Variants in PCLO observed in about 807,000 individuals in gnomAD.
The protein encoded by PCLO is piccolo presynaptic cytomatrix protein.
A neutral mutation model predicts 427.5 loss-of-function variants in PCLO; 82 were observed. That is an observed-to-expected ratio of 0.19 (90% CI 0.16 to 0.23). PCLO has a LOEUF of 0.23. Among genes scored for constraint, PCLO ranks in the 10% least tolerant of loss-of-function variants. The probability of loss-of-function intolerance (pLI) is 1.00; values close to 1 mark genes in which losing one functional copy is unlikely to be tolerated. For missense variants in PCLO, 6,239 were observed against 6,115.9 expected (o/e 1.02, Z -0.67); for synonymous variants, 2,357 against 2,155.4 (o/e 1.09, Z -2.59).
At chr7:82,773,087 G>A (rs964191478) in intron 22 of PCLO, among the ~76,000 whole-genome samples, 24 of 152,072 alleles carry the variant, frequency 1.6e-4, no homozygotes, top group Non-Finnish European at 3.2e-4. Context: ...AGTTCCGAAG[G>A]CCTTGGCTAC....
chr7:83,135,860 G>T (rs1791714633), intron 2 of PCLO, among the ~76,000 whole-genome samples: 1 of 152,094 alleles, frequency 6.6e-6, no homozygotes, highest in South Asian at 2.1e-4. Flanking sequence ...AGCACATTGG[G>T]AGGCTGAGGT....
At chr7:83,040,898 T>C (rs1167576736) in intron 3 of PCLO, among the ~76,000 whole-genome samples, 3 of 152,092 alleles carry the variant, frequency 2.0e-5, no homozygotes, top group Non-Finnish European at 4.4e-5. Context: ...AACATCACAT[T>C]GCACTCCATA....
intron 3 of PCLO, among the ~76,000 whole-genome samples, chr7:83,118,470 G>C (rs1370399424): frequency 6.6e-6 from 1 of 152,036 alleles, no homozygotes; most frequent in Non-Finnish European, 1.5e-5. Context: ...GTCTTGAATT[G>C]CTGACAACAC....
chr7:82,826,717 T>C, intron 17 of PCLO, 57 bp from the exon 18 acceptor site: 3 of 1,059,190 alleles, frequency 2.8e-6, no homozygotes, highest in South Asian at 3.0e-5. Context: ...ACATTTTCAT[T>C]ACACACATAC....
rs547529817 is a variant in PCLO, at chr7:83,062,050, T to A, written c.3300+72200A>T. ...GGACTAAGATCCAATTGGTATAAGG[T>A]TAGTAGCAAAGAAAAATGTGCAGCA... On this transcript the variant is annotated intron_variant, in intron 3 of 24. Transcript: ENST00000333891. Among the ~76,000 whole-genome samples, 8 of 152,252 alleles carry A rather than the reference T, an allele frequency of 5.3e-5. No homozygotes were observed. In the South Asian group the frequency reaches 1.7e-3, roughly 32 times the overall value.
chr7:82,760,943 CTTTTT>C (rs767222339), intron 23 of PCLO, among the ~76,000 whole-genome samples, 159 bp from the exon 24 acceptor site: 319 of 60,348 alleles, frequency 5.3e-3, no homozygotes, highest in African/African-American at 0.02. Context: ...AAAGATATGT[CTTTTT>C]TTTTTTTTTT....
At chr7:82,807,715 G>T (rs1361953666) in intron 20 of PCLO, among the ~76,000 whole-genome samples, 1 of 151,966 alleles carries the variant, frequency 6.6e-6, no homozygotes, top group Non-Finnish European at 1.5e-5. Flanking sequence ...GAACAAGAAA[G>T]AAATTGTTAA....
chr7:82,885,452 G>A (rs1430119402), intron 9 of PCLO, among the ~76,000 whole-genome samples: 3 of 152,142 alleles, frequency 2.0e-5, no homozygotes, highest in Non-Finnish European at 4.4e-5. Flanking sequence ...ACCCAGTTAA[G>A]CCATGCCTGG....
chr7:83,050,892 G>A (rs561709514), intron 3 of PCLO, among the ~76,000 whole-genome samples: 9 of 151,958 alleles, frequency 5.9e-5, no homozygotes, highest in South Asian at 2.1e-4. Flanking sequence ...CAGCCTGGGC[G>A]ACAAGAGTGA....
chr7:82,951,302 G>T lies in PCLO; in HGVS notation c.9286C>A (p.Pro3096Thr). Residue 3096 changes from proline to threonine, a missense_variant, in exon 6 of 25, where the codon CCA (proline) becomes ACA (threonine). By Grantham distance (38) the Pro-to-Thr change is conservative. Around this residue, in one of 5 missense-constraint regions of PCLO, gnomAD observed 4,677 missense variants for 4,468.4 expected, o/e 1.05. Transcript: ENST00000333891. ...GTGATAGCAAATGTAGAGGGTGTTG[G>T]AGTTGCTACTGAAGAATAGACAACA... ...NGVVYSSVAT[P>T]TPSTFAITTQ... The T allele has an allele frequency of 1.9e-6, 3 of 1,612,998 alleles. No individual in the cohort carries two copies. The East Asian group carries it at 6.7e-5, about 36-fold the overall frequency.
intron 22 of PCLO, among the ~76,000 whole-genome samples, chr7:82,791,126 T>C (rs893577293): frequency 6.6e-6 from 1 of 152,186 alleles, no homozygotes; most frequent in Non-Finnish European, 1.5e-5. Context: ...CCTGTGAGAA[T>C]TGGGTTCACC....
intron 9 of PCLO, among the ~76,000 whole-genome samples, chr7:82,902,222 T>C (rs1222597929): frequency 6.6e-6 from 1 of 151,476 alleles, no homozygotes. Flanking sequence ...GTGGCACATA[T>C]ACACCATGGA....
intron 2 of PCLO, among the ~76,000 whole-genome samples, chr7:83,137,655 T>C (rs1182660437): frequency 6.6e-6 from 1 of 151,842 alleles, no homozygotes; most frequent in South Asian, 2.1e-4. Context: ...ATGGTCTCCA[T>C]CTCCTGACCT....
chr7:82,924,811 A>G (rs1216157858), intron 6 of PCLO, among the ~76,000 whole-genome samples: 1 of 152,124 alleles, frequency 6.6e-6, no homozygotes, highest in African/African-American at 2.4e-5. Context: ...AACTTAAGAA[A>G]AAAAGGAATT....
At chr7:83,080,468 T>C (rs1365703025) in intron 3 of PCLO, among the ~76,000 whole-genome samples, 1 of 152,122 alleles carries the variant, frequency 6.6e-6, no homozygotes, top group Non-Finnish European at 1.5e-5. Flanking sequence ...GAGAGGATTT[T>C]TTTATACTTA....
chr7:83,052,263 G>A (rs1284794435), intron 3 of PCLO, among the ~76,000 whole-genome samples: 6 of 151,124 alleles, frequency 4.0e-5, no homozygotes, highest in Admixed American at 4.0e-4. Flanking sequence ...AGTGAGATAG[G>A]AGATAAGAAC....
chr7:82,763,851 T>A (rs1463214389), intron 22 of PCLO, among the ~76,000 whole-genome samples: 1 of 152,038 alleles, frequency 6.6e-6, no homozygotes, highest in Non-Finnish European at 1.5e-5. Context: ...ACTCCAAGCA[T>A]AAATAAAAGA....
In PCLO at chr7:82,952,650, A is replaced by G. The variant is rs565213775; in HGVS notation, c.8303T>C (p.Ile2768Thr). 37 of 1,613,936 alleles carry G rather than the reference A, an allele frequency of 2.3e-5. No homozygotes were observed. The Admixed American group carries it at 2.3e-4, about 10-fold the overall frequency. The change falls in exon 5 of 25, where the codon ATT (isoleucine) becomes ACT (threonine). Residue 2768 changes from isoleucine (I) to threonine (T), a missense_variant. Ile to Thr is a moderately conservative substitution (Grantham distance 89). Coordinates refer to ENST00000333891, the MANE Select transcript of PCLO (RefSeq NM_033026.6). ...TATAATAGAGGGTTGGACAGCACTA[A>G]TTTGTTTCCCATAAACTTCATTTGC... ...ITANEVYGKQISAVQPSIINL... is the reference protein window; with the variant it reads ...ITANEVYGKQTSAVQPSIINL...
intron 20 of PCLO, among the ~76,000 whole-genome samples, chr7:82,818,475 C>G (rs1008357410): frequency 6.6e-6 from 1 of 152,134 alleles, no homozygotes; most frequent in African/African-American, 2.4e-5. Context: ...AATCAACAAC[C>G]TTTAGAAAGG....
Sources: gnomAD v4.1 joint callset for allele counts (sites outside exome capture counted in the v4.1 genomes callset) on GRCh38, gnomAD v4.1.1 for gene constraint, gnomAD v4.1.1 regional missense constraint, MANE v1.5 for transcripts, NCBI Gene and HGNC (gene_info 2026-07-23, HGNC 2026-07-21) for gene names.